The following PAM variants were observed in gnomAD, a reference collection of about 807,000 sequenced individuals.
The protein encoded by PAM is peptidyl-glycine alpha-amidating monooxygenase.
PAM carries 72 observed loss-of-function variants against 122.1 expected under a neutral mutation model. The observed-to-expected ratio is 0.59, with a 90% CI of 0.49 to 0.72. PAM has a LOEUF of 0.72. PAM is among the 30% of genes least tolerant of loss of function. The pLI, the probability that PAM is intolerant of heterozygous loss-of-function variation, is 0.00. For missense variants in PAM, 1,106 were observed against 1,183.7 expected (o/e 0.93, Z 0.96); for synonymous variants, 389 against 404.4 (o/e 0.96, Z 0.46).
At chr5:102,835,573 T>C (rs1776793739) in intron 1 of PAM, among the ~76,000 whole-genome samples, 1 of 151,452 alleles carries the variant, frequency 6.6e-6, no homozygotes, top group East Asian at 1.9e-4. Flanking sequence ...ACCCCACAAG[T>C]GTGAGGGAAA....
chr5:102,778,558 C>T (rs1040982887), intron 1 of PAM, among the ~76,000 whole-genome samples: 1 of 152,094 alleles, frequency 6.6e-6, no homozygotes, highest in African/African-American at 2.4e-5. Context: ...TAAAATGAAT[C>T]ATGGGACTGC....
intron 4 of PAM, among the ~76,000 whole-genome samples, chr5:102,913,556 A>G (rs1802122534): frequency 6.6e-6 from 1 of 151,964 alleles, no homozygotes; most frequent in African/African-American, 2.4e-5. Context: ...TTTCACTACA[A>G]TGTTGAGCAG....
intron 3 of PAM, among the ~76,000 whole-genome samples, chr5:102,870,130 A>C (rs1029844972): frequency 6.6e-6 from 1 of 152,068 alleles, no homozygotes; most frequent in African/African-American, 2.4e-5. Flanking sequence ...CAGACAATCA[A>C]GAAGAGCAAC....
rs537451372 is a variant in PAM, at chr5:102,839,468, T to C, written c.-373-26355T>C. 2.1e-5 allele frequency among the ~76,000 whole-genome samples: 3 copies of C among 142,284 alleles called. No homozygotes were observed. In the South Asian group the frequency reaches 6.6e-4, roughly 31 times the overall value. The allele number at this position is 142,284 out of a possible 152,430, so 93.3% of individuals were successfully genotyped here. ...ACAAGAATCACTTGAGCCCGGGAGGTGGAGGTTGCAGTGAGCCAAGATCTC... is the reference window on the plus strand; with the variant it reads ...ACAAGAATCACTTGAGCCCGGGAGGCGGAGGTTGCAGTGAGCCAAGATCTC... On this transcript the variant is annotated intron_variant, in intron 1 of 25. Transcript: ENST00000438793.
intron 4 of PAM, among the ~76,000 whole-genome samples, chr5:102,913,512 G>A (rs978110472): frequency 7.9e-5 from 12 of 151,856 alleles, no homozygotes; most frequent in African/African-American, 2.9e-4. Context: ...ATGAATTTTT[G>A]TGTTCATATT....
chr5:103,030,852 A>G (rs1265400946), downstream of PAM: 1 of 152,256 alleles, frequency 6.6e-6, no homozygotes, highest in South Asian at 2.1e-4. Flanking sequence ...AAATTTGTCC[A>G]GGTGTTTCTA....
chr5:102,962,955 C>A (rs553541417), intron 14 of PAM, among the ~76,000 whole-genome samples: 1 of 151,770 alleles, frequency 6.6e-6, no homozygotes, highest in East Asian at 1.9e-4. Context: ...CCTGCAGTTT[C>A]TATTTTCTTC....
upstream of PAM, chr5:102,755,204 G>A (rs1749732610): frequency 6.6e-6 from 1 of 152,490 alleles, no homozygotes; most frequent in African/African-American, 2.4e-5. Context: ...GCACGCCGAG[G>A]AGAGGGAGCC....
chr5:102,761,269 C>A (rs879843456), intron 1 of PAM, among the ~76,000 whole-genome samples: 2 of 152,186 alleles, frequency 1.3e-5, no homozygotes, highest in Admixed American at 1.3e-4. Flanking sequence ...TTAAATGACA[C>A]CGCAGAATTA....
At position 103,007,587 on chromosome 5, in the gene PAM, C is replaced by A. The variant is rs34746026; in HGVS notation, c.2145C>A (p.Thr715=). Residue 715 remains threonine, a synonymous_variant, in exon 20 of 26, where the codon ACC becomes ACA. Coordinates refer to ENST00000438793, the MANE Select transcript of PAM (RefSeq NM_001177306.2). ...GGATCCAGTGTTTTAAAACTGACAC[C>A]AAAGAATTTGTGAGAGAGATTAAGC... ...NGRIQCFKTD[T]KEFVREIKHS... 4.0e-3 allele frequency: 6,408 copies of A among 1,613,470 alleles called. 40 individuals carry two copies. The highest frequency in any genetic ancestry group is 0.016 in the South Asian group (1,491 of 91,074).
chr5:102,951,611 A>G (rs1758915410), intron 12 of PAM, among the ~76,000 whole-genome samples: 1 of 152,116 alleles, frequency 6.6e-6, no homozygotes, highest in African/African-American at 2.4e-5. Flanking sequence ...TGCCCTAAAG[A>G]TGATTCTTGC....
intron 1 of PAM, among the ~76,000 whole-genome samples, chr5:102,829,725 T>C (rs556557847): frequency 1.3e-5 from 2 of 152,320 alleles, no homozygotes; most frequent in African/African-American, 4.8e-5. Context: ...GAAATAATTC[T>C]GAAAATGCCT....
chr5:102,988,294 G>A lies in PAM; in HGVS notation c.1484-1978G>A, dbSNP rs148122741. Among the ~76,000 whole-genome samples the A allele has an allele frequency of 7.0e-4, 100 of 143,116 alleles. 1 individual carries two copies. Among genetic ancestry groups the A allele is most frequent in the Non-Finnish European group, 1.4e-3 (92 of 67,982 alleles). 93.9% of individuals were successfully genotyped at this position (143,116 alleles called of 152,430 possible). ...AGTGCATACACCAACGTTTGCTCCCGTGGGAAACCTTTTAAGTAGACCTTA... is the reference window on the plus strand; with the variant it reads ...AGTGCATACACCAACGTTTGCTCCCATGGGAAACCTTTTAAGTAGACCTTA... On this transcript the variant is annotated intron_variant, in intron 15 of 25. Coordinates refer to ENST00000438793, the MANE Select transcript of PAM (RefSeq NM_001177306.2).
In PAM at chr5:103,007,473, T is replaced by C; in HGVS notation, c.2031T>C (p.Ser677=). The C allele has an allele frequency of 1.2e-6, 2 of 1,613,974 alleles. No individual in the cohort carries two copies. Among genetic ancestry groups the C allele is most frequent in the Non-Finnish European group, 1.7e-6 (2 of 1,179,912 alleles). ...TQWGEESSGS[S]PLPGQFTVPH... is the part of the protein sequence containing the mutation. ...GTTCTGCAGAGTCTTCAGGGAGCAG[T>C]CCTCTGCCAGGCCAGTTCACTGTTC... The change falls in exon 20 of 26, where the codon AGT becomes AGC. Residue 677 remains serine, a synonymous_variant. Coordinates refer to ENST00000438793, the MANE Select transcript of PAM (RefSeq NM_001177306.2).
intron 7 of PAM, among the ~76,000 whole-genome samples, chr5:102,944,109 T>C (rs1756183888): frequency 6.6e-6 from 1 of 152,162 alleles, no homozygotes; most frequent in Non-Finnish European, 1.5e-5. Flanking sequence ...ACTGTAAATG[T>C]CCTCAACATT....
intron 21 of PAM, among the ~76,000 whole-genome samples, chr5:103,010,883 G>A (rs1780389885): frequency 6.6e-6 from 1 of 152,036 alleles, no homozygotes; most frequent in African/African-American, 2.4e-5. Context: ...TCACATCATA[G>A]AAAATTGGGT....
intron 1 of PAM, among the ~76,000 whole-genome samples, chr5:102,818,784 G>T (rs1403315724): frequency 2.0e-5 from 3 of 152,096 alleles, no homozygotes; most frequent in African/African-American, 7.2e-5. Flanking sequence ...TTCAGAGCAG[G>T]TGTCATCTTT....
chr5:103,002,534 C>T lies in PAM; in HGVS notation c.1614-499C>T, dbSNP rs150023245. On this transcript the variant is annotated intron_variant, in intron 16 of 25. Coordinates refer to ENST00000438793, the MANE Select transcript of PAM (RefSeq NM_001177306.2). ...TTTATATCTCTATAATATGTATATG[C>T]ATGTTGTACCTAAAGTATAATAACG... 4.9e-4 allele frequency among the ~76,000 whole-genome samples: 75 copies of T among 152,150 alleles called. 1 individual carries two copies. Among genetic ancestry groups the T allele is most frequent in the African/African-American group, 1.7e-3 (72 of 41,502 alleles).
chr5:102,910,991 C>G (rs1801237576), intron 4 of PAM, among the ~76,000 whole-genome samples: 2 of 151,812 alleles, frequency 1.3e-5, no homozygotes, highest in South Asian at 4.2e-4. Context: ...ATGGAGCAAA[C>G]CCCTGAAATG....
Sources: gnomAD v4.1 joint callset for allele counts (sites outside exome capture counted in the v4.1 genomes callset) on GRCh38, gnomAD v4.1.1 for gene constraint, MANE v1.5 for transcripts, NCBI Gene and HGNC (gene_info 2026-07-23, HGNC 2026-07-21) for gene names.